Variants in PIK3R4 observed in about 807,000 individuals in gnomAD.
PIK3R4 encodes the protein phosphoinositide-3-kinase regulatory subunit 4.
A neutral mutation model predicts 136.5 loss-of-function variants in PIK3R4; 46 were observed. The ratio of observed to expected loss-of-function variants is 0.34; its 90% CI spans 0.27 to 0.43. PIK3R4 has a LOEUF of 0.43. PIK3R4 is among the 20% of genes least tolerant of loss of function. The pLI is 1.00. For missense variants in PIK3R4, 1,331 were observed against 1,649.5 expected (o/e 0.81, Z 3.35); for synonymous variants, 557 against 566.7 (o/e 0.98, Z 0.24).
At chr3:130,702,641 G>A (rs1264662795) in intron 13 of PIK3R4, among the ~76,000 whole-genome samples, 1 of 151,832 alleles carries the variant, frequency 6.6e-6, no homozygotes, top group Admixed American at 6.6e-5. Flanking sequence ...GACCAAACTA[G>A]GCAAAGAACA....
At chr3:130,688,497 G>A (rs1484793693) in intron 14 of PIK3R4, among the ~76,000 whole-genome samples, 5 of 152,040 alleles carry the variant, frequency 3.3e-5, no homozygotes, top group Admixed American at 2.0e-4. Flanking sequence ...CTTACATCCT[G>A]GTTAACTTTT....
At chr3:130,702,842 G>A (rs1301990965) in intron 13 of PIK3R4, among the ~76,000 whole-genome samples, 3 of 152,114 alleles carry the variant, frequency 2.0e-5, no homozygotes, top group African/African-American at 4.8e-5. Flanking sequence ...CTTCTTGTCC[G>A]CAGGAGTGTG....
rs761421954 is a variant in PIK3R4, at chr3:130,691,209, CA to C, written c.3099-556del. 1.4e-4 allele frequency among the ~76,000 whole-genome samples: 21 copies of C among 152,120 alleles called. 1 individual carries two copies. The highest frequency in any genetic ancestry group is 1.3e-4 in the Admixed American group (2 of 15,268). ...CTTAAACCCTCACTCTTATACCCTTCAGTTATTCTATCACACAGCTTGGCAC... is the reference window on the plus strand; with the variant it reads ...CTTAAACCCTCACTCTTATACCCTTCGTTATTCTATCACACAGCTTGGCAC... On this transcript the variant is annotated intron_variant, in intron 13 of 19. Transcript: ENST00000356763.
At chr3:130,704,818 TTTA>T (rs1488847960) in intron 12 of PIK3R4, among the ~76,000 whole-genome samples, 1 of 152,058 alleles carries the variant, frequency 6.6e-6, no homozygotes, top group Non-Finnish European at 1.5e-5. Flanking sequence ...TTTCTTTTTA[TTTA>T]TTTACTTTAT....
At chr3:130,729,552 T>C (rs1044971052) in intron 5 of PIK3R4, among the ~76,000 whole-genome samples, 1 of 152,172 alleles carries the variant, frequency 6.6e-6, no homozygotes, top group Admixed American at 6.5e-5. Flanking sequence ...GACAGTATTA[T>C]TTTCCAAGTA....
intron 13 of PIK3R4, among the ~76,000 whole-genome samples, chr3:130,699,301 T>G (rs192300734): frequency 3.3e-5 from 5 of 152,306 alleles, no homozygotes; most frequent in Admixed American, 1.3e-4. Flanking sequence ...GAACAAGGTA[T>G]GGGCCAAGTC....
chr3:130,727,070 C>CA (rs2066735715), intron 6 of PIK3R4, among the ~76,000 whole-genome samples: 1 of 152,132 alleles, frequency 6.6e-6, no homozygotes, highest in African/African-American at 2.4e-5. Flanking sequence ...GAAAGTTTTT[C>CA]AAAGTAGAAA....
intron 4 of PIK3R4, among the ~76,000 whole-genome samples, chr3:130,731,756 T>C (rs956080422): frequency 6.6e-6 from 1 of 152,244 alleles, no homozygotes; most frequent in African/African-American, 2.4e-5. Context: ...CAAATGTTGA[T>C]TTTAAACTTT....
At chr3:130,691,842 T>C (rs1262192973) in intron 13 of PIK3R4, among the ~76,000 whole-genome samples, 3 of 151,312 alleles carry the variant, frequency 2.0e-5, no homozygotes, top group Non-Finnish European at 4.4e-5. Flanking sequence ...TAATATTTCA[T>C]ATATTTTATC....
Position 130,696,462 on chromosome 3 carries a change from A to C in PIK3R4, c.3099-5808T>G, listed in dbSNP as rs79664160. On this transcript the variant is annotated intron_variant, in intron 13 of 19. Transcript: ENST00000356763. ...ATCCAAGTTTTAGTATGCTGTTCCC[A>C]TTTTTATTCATCTCAAAGTATTTTC... Among the ~76,000 whole-genome samples, 1,120 of 152,040 alleles carry C rather than the reference A, an allele frequency of 7.4e-3. 50 individuals are homozygous for C. The East Asian group carries it at 0.12, about 16-fold the overall frequency.
chr3:130,683,419 G>A (rs2066470562), intron 16 of PIK3R4, among the ~76,000 whole-genome samples: 1 of 152,180 alleles, frequency 6.6e-6, no homozygotes, highest in South Asian at 2.1e-4. Context: ...AAGCCAGGAA[G>A]ATGAGAAGGA....
chr3:130,689,462 A>G (rs1012289129), intron 14 of PIK3R4, among the ~76,000 whole-genome samples: 2 of 152,232 alleles, frequency 1.3e-5, no homozygotes, highest in African/African-American at 4.8e-5. Flanking sequence ...GCCATAAAGA[A>G]TATGTCCTGG....
intron 7 of PIK3R4, among the ~76,000 whole-genome samples, chr3:130,719,049 A>G (rs779990626): frequency 2.0e-5 from 3 of 152,244 alleles, no homozygotes; most frequent in Non-Finnish European, 4.4e-5. Context: ...TTTTTAATGC[A>G]GGAGTTTGAT....
rs143210471 is a variant in PIK3R4, at chr3:130,720,217, C to T, written c.1982-1683G>A. Reference sequence around the variant, plus strand: ...TCTTTTCTTCCTTTTTTTTTTGAGACGGAGTTTCGCTCTTATTGCCCAGGC... The same window carrying T: ...TCTTTTCTTCCTTTTTTTTTTGAGATGGAGTTTCGCTCTTATTGCCCAGGC... On this transcript the variant is annotated intron_variant, in intron 7 of 19. Coordinates refer to ENST00000356763, the MANE Select transcript of PIK3R4 (RefSeq NM_014602.3). 3.4e-3 allele frequency among the ~76,000 whole-genome samples: 513 copies of T among 151,576 alleles called. 3 individuals carry two copies. Among genetic ancestry groups the T allele is most frequent in the African/African-American group, 0.011 (467 of 41,350 alleles).
intron 13 of PIK3R4, among the ~76,000 whole-genome samples, chr3:130,697,063 C>CTTTTTTTTTTTT (rs60432343): frequency 1.4e-5 from 1 of 73,024 alleles, no homozygotes; most frequent in Non-Finnish European, 2.2e-5. Flanking sequence ...GCCACTCCAG[C>CTTTTTTTTTTTT]TTTTTTTTTT....
chr3:130,735,812 A>G (rs2066782833), intron 3 of PIK3R4, 57 bp downstream of exon 3: 9 of 1,489,852 alleles, frequency 6.0e-6, no homozygotes, highest in Admixed American at 2.0e-5. Context: ...GATTAAAGCA[A>G]AAGTGGGAAC....
At chr3:130,703,625 T>C (rs1274294725) in intron 13 of PIK3R4, 98 bp downstream of exon 13, 2 of 836,372 alleles carry the variant, frequency 2.4e-6, no homozygotes, top group Non-Finnish European at 3.8e-6. Flanking sequence ...TGTTGCTGTA[T>C]GCCTGGTACC....
At chr3:130,703,120 C>A (rs373473377) in intron 13 of PIK3R4, among the ~76,000 whole-genome samples, 5 of 152,146 alleles carry the variant, frequency 3.3e-5, no homozygotes, top group African/African-American at 1.2e-4. Context: ...ACTCAGATGA[C>A]ATCTCTCCTC....
At chr3:130,719,381 A>G (rs1312953627) in intron 7 of PIK3R4, among the ~76,000 whole-genome samples, 1 of 152,208 alleles carries the variant, frequency 6.6e-6, no homozygotes, top group Non-Finnish European at 1.5e-5. Flanking sequence ...TTTAGTGTAT[A>G]TAAGAAATAC....
Sources: allele counts gnomAD v4.1 joint callset (sites outside exome capture counted in the v4.1 genomes callset), GRCh38; gene constraint gnomAD v4.1.1; transcripts MANE v1.5; gene names NCBI Gene and HGNC (gene_info 2026-07-23, HGNC 2026-07-21).